The following ATP6V1C1 variants were observed in gnomAD, a reference collection of about 807,000 sequenced individuals.
The protein encoded by ATP6V1C1 is ATPase H+ transporting V1 subunit C1, also known as V-type proton ATPase subunit C 1.
ATP6V1C1 carries 45 observed loss-of-function variants against 53.9 expected under a neutral mutation model. The ratio of observed to expected loss-of-function variants is 0.83; its 90% confidence interval spans 0.66 to 1.07. The LOEUF (loss-of-function observed/expected upper bound fraction) is 1.07, where lower values mean the gene tolerates loss of function less well. Among genes scored for constraint, ATP6V1C1 ranks in the 50% least tolerant of loss-of-function variants. The probability of loss-of-function intolerance (pLI) is 0.00; values close to 1 mark genes in which losing one functional copy is unlikely to be tolerated. For missense variants in ATP6V1C1, 315 were observed against 440.3 expected (o/e 0.72, Z 2.55); for synonymous variants, 153 against 155.2 (o/e 0.99, Z 0.11).
rs779004509 is a variant in ATP6V1C1 at position 103,055,831 on chromosome 8, T to C, written c.573-37T>C. 4 of 1,588,632 alleles carry C rather than the reference T, an allele frequency of 2.5e-6. No individual in the cohort carries two copies. In the South Asian group the frequency reaches 4.5e-5, roughly 18 times the overall value. The stretch of plus-strand genomic sequence containing the variant: ...TGGATATGGCAGGAAATAGGACTTG[T>C]TTTTCTTTTCCAATGTGTATTGTAC... On this transcript the variant is annotated intron_variant, in intron 7 of 12. Transcript: ENST00000518738.
At chr8:103,032,802 A>G (rs1285075285) in intron 1 of ATP6V1C1, among the ~76,000 whole-genome samples, 1 of 152,192 alleles carries the variant, frequency 6.6e-6, no homozygotes, top group Non-Finnish European at 1.5e-5. Flanking sequence ...GTAAATATAC[A>G]TTGATCATTC....
At chr8:103,050,283 G>A (rs909925290) in intron 4 of ATP6V1C1, among the ~76,000 whole-genome samples, 3 of 152,198 alleles carry the variant, frequency 2.0e-5, no homozygotes, top group Non-Finnish European at 4.4e-5. Flanking sequence ...AACTAGGGCA[G>A]TCAGTCTAGT....
intron 3 of ATP6V1C1, 23 bp downstream of exon 3, chr8:103,042,430 G>C (rs1276586886): frequency 1.1e-5 from 18 of 1,605,600 alleles, no homozygotes; most frequent in Non-Finnish European, 1.5e-5. Flanking sequence ...TATGCATGGA[G>C]TAGAGCAAAA....
rs1354964653 is a variant in ATP6V1C1, at chr8:103,072,200, C to G, written c.*3453C>G. ...TTGAATGAGTGCATATCCAGTAGTA[C>G]CTTTAAAGTAACACTTTGTACATAA... is the stretch of plus-strand genomic sequence containing the variant. On this transcript the variant is annotated 3_prime_UTR_variant, in exon 13 of 13. Transcript: ENST00000518738. 1 of 152,184 alleles carries G rather than the reference C, an allele frequency of 6.6e-6. No homozygotes were observed. Among genetic ancestry groups the G allele is most frequent in the East Asian group, 1.9e-4 (1 of 5,194 alleles). The allele number at this position is 152,184 out of a possible 1,614,324, so 9.4% of individuals were successfully genotyped here.
chr8:103,047,340 A>G (rs1056041292), intron 3 of ATP6V1C1, among the ~76,000 whole-genome samples: 7 of 150,986 alleles, frequency 4.6e-5, no homozygotes, highest in Admixed American at 4.0e-4. Flanking sequence ...CCAGATGTTC[A>G]AAGCTGCAAT....
In ATP6V1C1 at chr8:103,048,918, CAAAGA is replaced by C. The variant is rs757065746; in HGVS notation, c.250_254del (p.Lys84GlnfsTer9). On this transcript the variant is annotated frameshift_variant, in exon 4 of 13. Transcript: ENST00000518738. LOFTEE classifies it high-confidence loss of function. ...ACATGGCTGATGTATTGGAAGATAGCAAAGACAAAGTTCAAGAGAATCTGTTGGCT... is the reference window on the plus strand; with the variant it reads ...ACATGGCTGATGTATTGGAAGATAGCCAAAGTTCAAGAGAATCTGTTGGCT... 6.2e-7 allele frequency: 1 copy of C among 1,613,146 alleles called. No individual in the cohort carries two copies. Among genetic ancestry groups the C allele is most frequent in the Non-Finnish European group, 8.5e-7 (1 of 1,179,602 alleles).
chr8:103,056,846 G>A (rs1435438251), intron 8 of ATP6V1C1, among the ~76,000 whole-genome samples: 1 of 152,166 alleles, frequency 6.6e-6, no homozygotes, highest in South Asian at 2.1e-4. Flanking sequence ...GTAAGGTCAG[G>A]CCCATGAAAT....
chr8:103,063,098 A>C (rs756058476), intron 9 of ATP6V1C1, 37 bp from the exon 10 acceptor site: 2 of 1,610,488 alleles, frequency 1.2e-6, no homozygotes, highest in Admixed American at 1.7e-5. Flanking sequence ...AGCTGTATAC[A>C]ATGTGAACAA....
chr8:103,062,877 C>A, intron 8 of ATP6V1C1, 78 bp from the exon 9 acceptor site: 1 of 1,261,794 alleles, frequency 7.9e-7, no homozygotes, highest in Non-Finnish European at 1.1e-6. Flanking sequence ...TCTCTTCCAC[C>A]TGTTTCTGAA....
intron 1 of ATP6V1C1, among the ~76,000 whole-genome samples, chr8:103,039,852 C>T (rs183929469): frequency 1.3e-5 from 2 of 152,112 alleles, no homozygotes. Context: ...TATATTAACG[C>T]CACCCTCTCA....
rs993540127 is a variant in ATP6V1C1 at position 103,071,839 on chromosome 8, A to T, written c.*3092A>T. The T allele has an allele frequency of 6.6e-6, 1 of 151,432 alleles. No individual in the cohort carries two copies. The highest frequency in any genetic ancestry group is 6.6e-5 in the Admixed American group (1 of 15,170). 9.4% of individuals were successfully genotyped at this position (151,432 alleles called of 1,614,324 possible). A position where few individuals can be genotyped will look rare whatever the true frequency, so the allele number is the denominator to read the frequency against. On this transcript the variant is annotated 3_prime_UTR_variant, in exon 13 of 13. Transcript: ENST00000518738. Reference sequence around the variant, plus strand: ...ACTATGTTGCCCGGGCTGGTCTCGAACTCCTGAGCTCAAGGGATCCTCCCG... The same window carrying T: ...ACTATGTTGCCCGGGCTGGTCTCGATCTCCTGAGCTCAAGGGATCCTCCCG...
At chr8:103,043,957 T>C (rs1296384458) in intron 3 of ATP6V1C1, among the ~76,000 whole-genome samples, 2 of 152,106 alleles carry the variant, frequency 1.3e-5, no homozygotes, top group Non-Finnish European at 2.9e-5. Context: ...GGCCAGATGT[T>C]GGCTCACTGC....
At chr8:103,022,758 A>G (rs1393938987) in intron 1 of ATP6V1C1, among the ~76,000 whole-genome samples, 1 of 152,162 alleles carries the variant, frequency 6.6e-6, no homozygotes, top group African/African-American at 2.4e-5. Context: ...GAGTGAAAAG[A>G]ACATTCCAGG....
intron 1 of ATP6V1C1, among the ~76,000 whole-genome samples, chr8:103,031,340 G>T (rs916993504): frequency 1.3e-5 from 2 of 152,168 alleles, no homozygotes; most frequent in African/African-American, 4.8e-5. Context: ...GTGAGACTGG[G>T]TAATTTATAA....
At chr8:103,053,249 T>C (rs1201014930) in intron 6 of ATP6V1C1, among the ~76,000 whole-genome samples, 2 of 152,034 alleles carry the variant, frequency 1.3e-5, no homozygotes, top group Non-Finnish European at 2.9e-5. Flanking sequence ...GTTAGGTTTT[T>C]TAAAATAGGA....
intron 8 of ATP6V1C1, among the ~76,000 whole-genome samples, chr8:103,059,454 A>G (rs1338401118): frequency 1.3e-5 from 2 of 152,092 alleles, no homozygotes; most frequent in Non-Finnish European, 2.9e-5. Flanking sequence ...ACATCTGCCC[A>G]GTGATCCAAA....
intron 1 of ATP6V1C1, among the ~76,000 whole-genome samples, chr8:103,023,331 G>A (rs1443197712): frequency 6.8e-6 from 1 of 146,930 alleles, no homozygotes; most frequent in Non-Finnish European, 1.5e-5. Context: ...GGTGGCAAAA[G>A]TGAATGAGGG....
chr8:103,028,931 T>C (rs552083001), intron 1 of ATP6V1C1, among the ~76,000 whole-genome samples: 1 of 152,332 alleles, frequency 6.6e-6, no homozygotes. Flanking sequence ...CTCTAAACTT[T>C]TCAGTGTTTT....
intron 3 of ATP6V1C1, among the ~76,000 whole-genome samples, chr8:103,045,265 G>A (rs577311017): frequency 9.2e-5 from 14 of 152,190 alleles, no homozygotes; most frequent in Admixed American, 1.3e-4. Flanking sequence ...ACCTGAAAGC[G>A]ATGCTGTGGC....
Sources: gnomAD v4.1 joint callset for allele counts (sites outside exome capture counted in the v4.1 genomes callset) on GRCh38, gnomAD v4.1.1 for gene constraint, MANE v1.5 for transcripts, NCBI Gene and HGNC (gene_info 2026-07-23, HGNC 2026-07-21) for gene names.